The following PBX1 variants were observed in gnomAD, a reference collection of about 807,000 sequenced individuals.
The protein encoded by PBX1 is pre-B-cell leukemia transcription factor 1.
A neutral mutation model predicts 53.4 loss-of-function variants in PBX1; 6 were observed. The ratio of observed to expected loss-of-function variants is 0.11; its 90% CI spans 0.06 to 0.22. The LOEUF is 0.22. Ranked by LOEUF, PBX1 falls within the 10% of genes least tolerant of loss-of-function variation. The pLI is 1.00. For synonymous variants in PBX1, 204 were observed against 212.3 expected (o/e 0.96, Z 0.34); for missense variants, 251 against 551.4 (o/e 0.46, Z 5.46).
intron 2 of PBX1, among the ~76,000 whole-genome samples, chr1:164,708,273 G>A (rs372943187): frequency 2.6e-5 from 4 of 152,298 alleles, no homozygotes; most frequent in African/African-American, 9.6e-5. Context: ...TGTGTAAGGG[G>A]CAGATAGAGA....
At chr1:164,779,983 G>A (rs1309801212) in intron 2 of PBX1, among the ~76,000 whole-genome samples, 2 of 152,152 alleles carry the variant, frequency 1.3e-5, no homozygotes, top group Admixed American at 1.3e-4. Context: ...AAATTAAGAC[G>A]GCTCCTCATC....
intron 2 of PBX1, among the ~76,000 whole-genome samples, chr1:164,694,389 A>G (rs568103770): frequency 6.6e-6 from 1 of 152,314 alleles, no homozygotes; most frequent in East Asian, 1.9e-4. Flanking sequence ...CTCACTGAGG[A>G]CAGAGGACTT....
chr1:164,737,746 TG>T (rs1249913149), intron 2 of PBX1, among the ~76,000 whole-genome samples: 1 of 152,192 alleles, frequency 6.6e-6, no homozygotes, highest in Non-Finnish European at 1.5e-5. Flanking sequence ...CCCAAAGTGC[TG>T]GGATTACAGG....
At position 164,820,197 on chromosome 1, in the gene PBX1, C is replaced by T. The variant is rs759207875; in HGVS notation, c.1110+13C>T. 30 of 1,477,792 alleles carry T rather than the reference C, an allele frequency of 2.0e-5. No homozygotes were observed. 91.5% of individuals were successfully genotyped at this position (1,477,792 alleles called of 1,614,324 possible). ...CGTGCAATCACAGGTAGGGACCCAG[C>T]CAATATGTCACCAGGTGAATGCCTT... On this transcript the variant is annotated intron_variant, in intron 7 of 8. Transcript: ENST00000420696.
intron 8 of PBX1, among the ~76,000 whole-genome samples, chr1:164,823,190 A>G (rs1670246674): frequency 6.6e-6 from 1 of 152,172 alleles, no homozygotes; most frequent in Non-Finnish European, 1.5e-5. Flanking sequence ...GATTCTTCCC[A>G]TCTTGTGCTT....
Position 164,850,266 on chromosome 1 carries a change from G to C in PBX1, c.*3590G>C. On this transcript the variant is annotated 3_prime_UTR_variant, in exon 9 of 9. Coordinates refer to ENST00000420696, the MANE Select transcript of PBX1 (RefSeq NM_002585.4). ...TTTGTGAATTAGTTCAAGAATGCTA[G>C]AAAAGTGTCGAGTTGTGCACATCCA... 4.8e-6 allele frequency: 1 copy of C among 208,158 alleles called. No homozygotes were observed. The highest frequency in any genetic ancestry group is 9.5e-6 in the Non-Finnish European group (1 of 104,762). 12.9% of individuals were successfully genotyped at this position (208,158 alleles called of 1,614,324 possible).
intron 2 of PBX1, among the ~76,000 whole-genome samples, chr1:164,575,647 GC>G (rs2101724241): frequency 6.6e-6 from 1 of 152,286 alleles, no homozygotes; most frequent in East Asian, 1.9e-4. Flanking sequence ...CTAATGATGA[GC>G]CCTGCCTACA....
chr1:164,707,327 G>C (rs763522433), intron 2 of PBX1, among the ~76,000 whole-genome samples: 1 of 151,936 alleles, frequency 6.6e-6, no homozygotes, highest in African/African-American at 2.4e-5. Flanking sequence ...GTAAGCCAGG[G>C]GTAGGGCAAA....
Position 164,752,022 on chromosome 1 carries a change from A to G in PBX1, c.266-40472A>G, listed in dbSNP as rs377241487. On this transcript the variant is annotated intron_variant, in intron 2 of 8. Transcript: ENST00000420696. ...AGAATGTAAAGGGGTCTCAAGCCCA[A>G]AAGATTTGAGAAACACTGCTTCTAA... Among the ~76,000 whole-genome samples, 20 of 151,900 alleles carry G rather than the reference A, an allele frequency of 1.3e-4. No homozygotes were observed. In the South Asian group the frequency reaches 4.2e-3, roughly 32 times the overall value.
In PBX1 at chr1:164,559,663, A is replaced by C; in HGVS notation, c.-160A>C. 1 of 510,230 alleles carries C rather than the reference A, an allele frequency of 2.0e-6. No individual in the cohort carries two copies. The highest frequency in any genetic ancestry group is 3.9e-5 in the Admixed American group (1 of 25,570). The allele number at this position is 510,230 out of a possible 1,614,324, so 31.6% of individuals were successfully genotyped here. On this transcript the variant is annotated 5_prime_UTR_variant, in exon 1 of 9. Coordinates refer to ENST00000420696, the MANE Select transcript of PBX1 (RefSeq NM_002585.4). ...CTCCCACCATCCTCTAAAGAGGCAA[A>C]GGGATTTTTTTTTTCTTTTGGTCTT...
intron 2 of PBX1, among the ~76,000 whole-genome samples, chr1:164,566,213 T>C (rs921425237): frequency 2.0e-5 from 3 of 152,106 alleles, no homozygotes; most frequent in African/African-American, 7.2e-5. Context: ...TTACAATTGA[T>C]TGATGGGTGT....
Position 164,785,251 on chromosome 1 carries a change from ATTTG to A in PBX1, c.266-7238_266-7235del, listed in dbSNP as rs1668119654. Among the ~76,000 whole-genome samples, 5 of 152,306 alleles carry A rather than the reference ATTTG, an allele frequency of 3.3e-5. No homozygotes were observed. In the South Asian group the frequency reaches 1.0e-3, roughly 32 times the overall value. ...GAAAACAGAATCATCAGTCATTTCTATTTGTTTGATGAATAACTCTTTAAAAATC... is the reference window on the plus strand; with the variant it reads ...GAAAACAGAATCATCAGTCATTTCTATTTGATGAATAACTCTTTAAAAATC... On this transcript the variant is annotated intron_variant, in intron 2 of 8. Coordinates refer to ENST00000420696, the MANE Select transcript of PBX1 (RefSeq NM_002585.4).
At position 164,847,616 on chromosome 1, in the gene PBX1, T is replaced by G; in HGVS notation, c.*940T>G. On this transcript the variant is annotated 3_prime_UTR_variant, in exon 9 of 9. Transcript: ENST00000420696. ...CCCTTCAACCTCAACTATGCCTTCA[T>G]AGACACACACGTTCATGCACATGTA... 9.4e-7 allele frequency: 1 copy of G among 1,062,066 alleles called. No individual in the cohort carries two copies. 65.8% of individuals were successfully genotyped at this position (1,062,066 alleles called of 1,614,324 possible). A position where few individuals can be genotyped will look rare whatever the true frequency, so the allele number is the denominator to read the frequency against.
chr1:164,822,174 A>G (rs1327354319), intron 8 of PBX1, among the ~76,000 whole-genome samples: 2 of 152,134 alleles, frequency 1.3e-5, no homozygotes, highest in East Asian at 1.9e-4. Flanking sequence ...ATGAAAATTC[A>G]TAGCGACAAG....
Position 164,847,204 on chromosome 1 carries a change from A to G in PBX1, c.*528A>G. On this transcript the variant is annotated 3_prime_UTR_variant, in exon 9 of 9. Transcript: ENST00000420696. ...AGGAATACTCCACATTGCCCTATTCATTCCAGGCCTCCCTGCTTCCTCTTG... is the reference window on the plus strand; with the variant it reads ...AGGAATACTCCACATTGCCCTATTCGTTCCAGGCCTCCCTGCTTCCTCTTG... 1 of 1,075,066 alleles carries G rather than the reference A, an allele frequency of 9.3e-7. No individual in the cohort carries two copies. The highest frequency in any genetic ancestry group is 1.1e-6 in the Non-Finnish European group (1 of 884,262). The allele number at this position is 1,075,066 out of a possible 1,614,324, so 66.6% of individuals were successfully genotyped here. A position where few individuals can be genotyped will look rare whatever the true frequency, so the allele number is the denominator to read the frequency against.
chr1:164,707,021 G>A (rs2102062746), intron 2 of PBX1, among the ~76,000 whole-genome samples: 1 of 152,316 alleles, frequency 6.6e-6, no homozygotes, highest in South Asian at 2.1e-4. Context: ...TTTGCCATCT[G>A]TAGTGGTGAG....
At chr1:164,688,842 A>G (rs1266097647) in intron 2 of PBX1, among the ~76,000 whole-genome samples, 3 of 152,204 alleles carry the variant, frequency 2.0e-5, no homozygotes, top group African/African-American at 7.2e-5. Context: ...ACAGCCTTTC[A>G]TGGAAACTGC....
At chr1:164,743,879 A>G (rs562303233) in intron 2 of PBX1, among the ~76,000 whole-genome samples, 1 of 152,352 alleles carries the variant, frequency 6.6e-6, no homozygotes, top group East Asian at 1.9e-4. Flanking sequence ...ACAGTTATCC[A>G]GAACTTAGTC....
intron 2 of PBX1, among the ~76,000 whole-genome samples, chr1:164,717,584 C>T (rs767583573): frequency 2.0e-4 from 30 of 152,164 alleles, no homozygotes; most frequent in Non-Finnish European, 3.5e-4. Context: ...TTCAGCTACT[C>T]GAGCAGGTGT....
Sources: allele counts gnomAD v4.1 joint callset (sites outside exome capture counted in the v4.1 genomes callset), GRCh38; gene constraint gnomAD v4.1.1; transcripts MANE v1.5; gene names NCBI Gene and HGNC (gene_info 2026-07-23, HGNC 2026-07-21).